The following GSDMD variants were observed in gnomAD, a reference collection of about 807,000 sequenced individuals.
GSDMD encodes gasdermin-D.
A neutral mutation model predicts 46.7 loss-of-function variants in GSDMD; 46 were observed. That is an observed-to-expected ratio of 0.99 (90% confidence interval 0.78 to 1.26). The LOEUF (loss-of-function observed/expected upper bound fraction) is 1.26, where lower values mean the gene tolerates loss of function less well. Ranked by LOEUF, GSDMD falls within the 50% of genes most tolerant of loss-of-function variation. The probability of loss-of-function intolerance (pLI) is 0.00; values close to 1 mark genes in which losing one functional copy is unlikely to be tolerated. For missense variants in GSDMD, 649 were observed against 638.8 expected (o/e 1.02, Z -0.17); for synonymous variants, 307 against 283.1 (o/e 1.08, Z -0.85).
chr8:143,560,250 A>C (rs1225028895), intron 3 of GSDMD: 2 of 685,506 alleles, frequency 2.9e-6, no homozygotes, highest in Admixed American at 4.0e-5. Context: ...TGTGGCCGGA[A>C]CCAGCTTGCA....
Position 143,562,348 on chromosome 8 carries a change from C to G in GSDMD, c.1136C>G (p.Thr379Ser). ...GTTGTCTACCTGCTGGGGGCACTGA[C>G]CAGTGAGCGGCCGCTGGGGGCAGGT... is the stretch of plus-strand genomic sequence containing the variant. ...IPVVYLLGALTMLSETQHKLL... is the reference protein window; with the variant it reads ...IPVVYLLGALSMLSETQHKLL... Residue 379 changes from threonine (T) to serine (S), a missense_variant and splice_region_variant, in exon 9 of 11, where the codon ACC becomes AGC. Transcript: ENST00000262580. 6.5e-7 allele frequency: 1 copy of G among 1,547,970 alleles called. No individual in the cohort carries two copies. Among genetic ancestry groups the G allele is most frequent in the South Asian group, 1.2e-5 (1 of 84,152 alleles).
In GSDMD at chr8:143,563,054, C is replaced by T. The variant is rs1260350955; in HGVS notation, c.*150C>T. The T allele has an allele frequency of 2.3e-5, 23 of 986,722 alleles. No individual in the cohort carries two copies. The highest frequency in any genetic ancestry group is 1.4e-4 in the African/African-American group (8 of 57,600). The allele number at this position is 986,722 out of a possible 1,614,324, so 61.1% of individuals were successfully genotyped here. ...GGGGAAACACAATAAAGGTGGCATA[C>T]GAAGGAAAGGCTGGTAGCAGAGTTT... is the stretch of plus-strand genomic sequence containing the variant. On this transcript the variant is annotated 3_prime_UTR_variant, in exon 11 of 11. Coordinates refer to ENST00000262580, the MANE Select transcript of GSDMD (RefSeq NM_024736.7).
rs552794891 is a variant in GSDMD at position 143,561,386 on chromosome 8, G to A, written c.699G>A (p.Pro233=). The part of the protein sequence containing the change: ...IDSDLDVLLF[P]DKKQRTFQPP... Reference sequence around the variant, plus strand: ...GGCTGCCAGACGTCCTTCTCTTCCCGGATAAGAAGCAGAGGACCTTCCAGC... The same window carrying A: ...GGCTGCCAGACGTCCTTCTCTTCCCAGATAAGAAGCAGAGGACCTTCCAGC... Residue 233 remains proline (P), a synonymous_variant, in exon 6 of 11, where the codon CCG becomes CCA. Transcript: ENST00000262580. 2.3e-5 allele frequency: 37 copies of A among 1,610,718 alleles called. No individual in the cohort carries two copies. Among genetic ancestry groups the A allele is most frequent in the Middle Eastern group, 1.7e-4 (1 of 6,052 alleles).
At position 143,561,122 on chromosome 8, in the gene GSDMD, G is replaced by T; in HGVS notation, c.682+18G>T. The stretch of plus-strand genomic sequence containing the variant: ...TGACTTGGGTGAGCTGGAGTTGGGG[G>T]TGTCTCGGGCCCAGGCCCTGGCAGA... On this transcript the variant is annotated intron_variant, in intron 5 of 10. Transcript: ENST00000262580. 6.2e-7 allele frequency: 1 copy of T among 1,606,012 alleles called. No homozygotes were observed. The highest frequency in any genetic ancestry group is 8.5e-7 in the Non-Finnish European group (1 of 1,173,920).
rs780544092 is a variant in GSDMD at position 143,559,320 on chromosome 8, T to G, written c.-4-12T>G. 134 of 1,325,850 alleles carry G rather than the reference T, an allele frequency of 1.0e-4. No individual in the cohort carries two copies. Among genetic ancestry groups the G allele is most frequent in the Non-Finnish European group, 1.4e-4 (132 of 963,518 alleles). The allele number at this position is 1,325,850 out of a possible 1,614,324, so 82.1% of individuals were successfully genotyped here. On this transcript the variant is annotated splice_polypyrimidine_tract_variant and intron_variant, in intron 1 of 10. Coordinates refer to ENST00000262580, the MANE Select transcript of GSDMD (RefSeq NM_024736.7). ...CCGAGAGCACAATGCCTGACCCATT[T>G]CCCCTCCTCAGGAGCATGGGGTCGG...
chr8:143,560,904 A>T, intron 4 of GSDMD, 98 bp from the exon 5 acceptor site: 1 of 1,444,654 alleles, frequency 6.9e-7, no homozygotes, highest in African/African-American at 1.4e-5. Context: ...GCGGAGCCGA[A>T]GTCACCTGGC....
chr8:143,560,732 C>A lies in GSDMD; in HGVS notation c.540C>A (p.Gly180=). ...VEVTRTHKRE[G]SGRFSLPGAT... is the part of the protein sequence containing the mutation. ...TCACGCGCACCCACAAGCGGGAGGG[C>A]TCGGGCCGGTTTTCCCTGCCCGGAG... is the stretch of plus-strand genomic sequence containing the variant. Residue 180 remains glycine (G), a synonymous_variant, in exon 4 of 11, where the codon GGC becomes GGA. Transcript: ENST00000262580. The A allele has an allele frequency of 8.3e-6, 13 of 1,565,036 alleles. No individual in the cohort carries two copies. Among genetic ancestry groups the A allele is most frequent in the Non-Finnish European group, 8.7e-6 (10 of 1,155,020 alleles).
upstream of GSDMD, among the ~76,000 whole-genome samples, chr8:143,557,440 GACGACGGAT>G (rs1458111510): frequency 6.6e-6 from 1 of 150,538 alleles, no homozygotes; most frequent in African/African-American, 2.5e-5. Flanking sequence ...CTGCCGCTGT[GACGACGGAT>G]GCTGCCGCTA....
Position 143,562,829 on chromosome 8 carries a change from G to A in GSDMD, c.1380G>A (p.Pro460=), listed in dbSNP as rs745422529. ...ACACTCCCCACGTGTGCTGGGAGCC[G>A]CAGGCCCAGGGCCGCATGTGTGCAC... is the stretch of plus-strand genomic sequence containing the variant. The part of the protein sequence containing the change: ...GEDTPHVCWE[P]QAQGRMCALY... Residue 460 remains proline (P), a synonymous_variant, in exon 11 of 11, where the codon CCG becomes CCA. Transcript: ENST00000262580. 5.8e-5 allele frequency: 94 copies of A among 1,609,674 alleles called. No homozygotes were observed. The highest frequency in any genetic ancestry group is 7.5e-5 in the Non-Finnish European group (88 of 1,178,626).
At chr8:143,555,362 C>A (rs549864895), upstream of GSDMD, among the ~76,000 whole-genome samples, 14 of 152,294 alleles carry the variant, frequency 9.2e-5, no homozygotes, top group South Asian at 2.9e-3. Flanking sequence ...GTGCAGAGCC[C>A]CAGGCTGCCG....
At chr8:143,560,409 G>A (rs1195412355) in intron 3 of GSDMD, 194 bp from the exon 4 acceptor site, 1 of 635,536 alleles carries the variant, frequency 1.6e-6, no homozygotes, top group Admixed American at 2.7e-5. Context: ...TGGACTTGGA[G>A]TCCCCGAGTC....
Position 143,562,352 on chromosome 8 carries a change from T to C in GSDMD, c.1138+2T>C. Reference sequence around the variant, plus strand: ...TCTACCTGCTGGGGGCACTGACCAGTGAGCGGCCGCTGGGGGCAGGTGGCG... The same window carrying C: ...TCTACCTGCTGGGGGCACTGACCAGCGAGCGGCCGCTGGGGGCAGGTGGCG... On this transcript the variant is annotated splice_donor_variant, in intron 9 of 10. Coordinates refer to ENST00000262580, the MANE Select transcript of GSDMD (RefSeq NM_024736.7). LOFTEE classifies it high-confidence loss of function. The C allele has an allele frequency of 8.1e-7, 1 of 1,238,700 alleles. No individual in the cohort carries two copies. The highest frequency in any genetic ancestry group is 1.8e-5 in the African/African-American group (1 of 54,074). The allele number at this position is 1,238,700 out of a possible 1,614,324, so 76.7% of individuals were successfully genotyped here.
intron 1 of GSDMD, chr8:143,558,653 T>G: frequency 1.7e-6 from 1 of 589,622 alleles, no homozygotes; most frequent in East Asian, 3.2e-5. Flanking sequence ...GACCTGGGCT[T>G]GGGCTTGACT....
chr8:143,560,079 G>A (rs549271844), intron 3 of GSDMD, 110 bp downstream of exon 3: 23 of 1,068,226 alleles, frequency 2.2e-5, no homozygotes, highest in South Asian at 6.8e-5. Context: ...TTGCTATCTC[G>A]GCCAGGGTGG....
rs1823472129 is a variant in GSDMD at position 143,561,960 on chromosome 8, T to G, written c.825T>G (p.Asp275Glu). The change falls in exon 8 of 11, where the codon GAT (aspartate) becomes GAG (glutamate). Residue 275 changes from aspartate to glutamate, a missense_variant and splice_region_variant. By Grantham distance (45) the Asp-to-Glu change is conservative (BLOSUM62 2). Transcript: ENST00000262580. Reference protein sequence around the residue: ...MMRCLHNFLTDGVPAEGAFTE... With the variant: ...MMRCLHNFLTEGVPAEGAFTE... Reference sequence around the variant, plus strand: ...GTGCCAGCCCTTCTGTCCCTACAGATGGGGTCCCTGCGGAGGGGGCGTTCA... The same window carrying G: ...GTGCCAGCCCTTCTGTCCCTACAGAGGGGGTCCCTGCGGAGGGGGCGTTCA... 3.1e-6 allele frequency: 5 copies of G among 1,608,676 alleles called. No homozygotes were observed. The highest frequency in any genetic ancestry group is 4.2e-6 in the Non-Finnish European group (5 of 1,178,004).
Position 143,559,465 on chromosome 8 carries a change from C to A in GSDMD, c.130C>A (p.Pro44Thr), listed in dbSNP as rs1352159084. ...FQPYCLVVRK[P>T]SSSWFWKPRY... is the part of the protein sequence containing the mutation. The stretch of plus-strand genomic sequence containing the variant: ...GCCCTACTGCCTGGTGGTTAGGAAG[C>A]CCTCAAGCTCATGGTTCTGGAAACC... The change falls in exon 2 of 11, where the codon CCC (proline) becomes ACC (threonine). Residue 44 changes from proline to threonine, a missense_variant. Coordinates refer to ENST00000262580, the MANE Select transcript of GSDMD (RefSeq NM_024736.7). The A allele has an allele frequency of 1.9e-6, 3 of 1,612,940 alleles. No individual in the cohort carries two copies. In the South Asian group the frequency reaches 3.3e-5, roughly 18 times the overall value.
At chr8:143,561,550 C>T in intron 6 of GSDMD, 127 bp downstream of exon 6, 3 of 989,664 alleles carry the variant, frequency 3.0e-6, no homozygotes, top group Non-Finnish European at 3.0e-6. Flanking sequence ...CGGTGGGCAC[C>T]CCCCATACAC....
chr8:143,562,275 T>C lies in GSDMD; in HGVS notation c.1063T>C (p.Cys355Arg). The C allele has an allele frequency of 6.4e-7, 1 of 1,555,918 alleles. No individual in the cohort carries two copies. ...CGGTCCAGCAGGTGCTGTCCTGGAGTGCCTGGTGTTGTCCTCCGGAATGCT... is the reference window on the plus strand; with the variant it reads ...CGGTCCAGCAGGTGCTGTCCTGGAGCGCCTGGTGTTGTCCTCCGGAATGCT... ...LDGPAGAVLE[C>R]LVLSSGMLVP... The change falls in exon 9 of 11, where the codon TGC (cysteine) becomes CGC (arginine). Residue 355 changes from cysteine (C) to arginine (R), a missense_variant. By Grantham distance (180) the Cys-to-Arg change is radical (BLOSUM62 -3). Transcript: ENST00000262580.
chr8:143,558,238 G>C, upstream of GSDMD: 1 of 1,328,320 alleles, frequency 7.5e-7, no homozygotes, highest in South Asian at 1.5e-5. Context: ...GGACGCGCGA[G>C]GCTGGTGCTC....
Sources: allele counts gnomAD v4.1 joint callset (sites outside exome capture counted in the v4.1 genomes callset), GRCh38; gene constraint gnomAD v4.1.1; transcripts MANE v1.5; gene names NCBI Gene and HGNC (gene_info 2026-07-23, HGNC 2026-07-21).